Variants in BMPR1B observed in about 807,000 individuals in gnomAD.
BMPR1B encodes the protein bone morphogenetic protein receptor type-1B.
Under a neutral mutation model 59.1 loss-of-function variants are expected in BMPR1B, and 12 were observed. The ratio of observed to expected loss-of-function variants is 0.20; its 90% CI spans 0.13 to 0.33. The LOEUF is 0.33. BMPR1B is among the 10% of genes least tolerant of loss of function. The pLI, the probability that BMPR1B is intolerant of heterozygous loss-of-function variation, is 1.00. For missense variants in BMPR1B, 550 were observed against 610.9 expected, an observed-to-expected ratio of 0.90 and a Z score of 1.05; for synonymous variants, 237 against 207.3, an observed-to-expected ratio of 1.14 and a Z score of -1.23.
chr4:95,114,682 A>G (rs202045659), intron 4 of BMPR1B, 38 bp from the exon 5 acceptor site: 1 of 1,533,112 alleles, frequency 6.5e-7, no homozygotes, highest in African/African-American at 1.4e-5. Flanking sequence ...ACTCACACAC[A>G]CACATTCTGT....
rs990728225 is a variant in BMPR1B at position 94,889,675 on chromosome 4, A to G, written c.-113+13775A>G. 6.6e-5 allele frequency among the ~76,000 whole-genome samples: 10 copies of G among 152,014 alleles called. No homozygotes were observed. The East Asian group carries it at 1.2e-3, about 18-fold the overall frequency. On this transcript the variant is annotated intron_variant, in intron 2 of 12. Transcript: ENST00000515059. ...ATAGCCATAATATACCACAGCCTTC[A>G]TGTTCCAAAAAGGGAAACCTGAGAA...
At chr4:94,956,435 A>G (rs1262144878) in intron 2 of BMPR1B, among the ~76,000 whole-genome samples, 5 of 152,130 alleles carry the variant, frequency 3.3e-5, no homozygotes, top group Admixed American at 2.6e-4. Context: ...AGAGGCTTTT[A>G]TGTTTTGGAA....
intron 1 of BMPR1B, among the ~76,000 whole-genome samples, chr4:94,837,442 G>A (rs1724869730): frequency 7.1e-6 from 1 of 141,626 alleles, no homozygotes; most frequent in East Asian, 1.9e-4. Context: ...GTTGAGCAGT[G>A]GTTTGTAGTT....
chr4:95,018,305 A>G (rs1723728183), intron 3 of BMPR1B, among the ~76,000 whole-genome samples: 1 of 152,212 alleles, frequency 6.6e-6, no homozygotes, highest in Admixed American at 6.5e-5. Flanking sequence ...TGGGAATTGT[A>G]TGGAAATACC....
intron 2 of BMPR1B, among the ~76,000 whole-genome samples, chr4:94,904,639 GAT>G (rs1297826800): frequency 1.3e-5 from 2 of 152,028 alleles, no homozygotes; most frequent in African/African-American, 4.8e-5. Context: ...TAAAATGAAA[GAT>G]GTGCTAATCA....
At chr4:95,007,577 A>C (rs1722934528) in intron 3 of BMPR1B, among the ~76,000 whole-genome samples, 1 of 152,202 alleles carries the variant, frequency 6.6e-6, no homozygotes, top group African/African-American at 2.4e-5. Context: ...ATATAATTTA[A>C]GGTTCTTATA....
intron 4 of BMPR1B, 126 bp downstream of exon 4, chr4:95,104,693 T>G: frequency 8.3e-7 from 1 of 1,207,656 alleles, no homozygotes; most frequent in South Asian, 1.3e-5. Context: ...TCGTAAACTC[T>G]TAGAGCTGTG....
intron 2 of BMPR1B, among the ~76,000 whole-genome samples, chr4:94,899,046 A>G (rs1578777429): frequency 6.6e-6 from 1 of 152,116 alleles, no homozygotes; most frequent in East Asian, 1.9e-4. Flanking sequence ...TGGATGTTCT[A>G]GGAGGTAACT....
chr4:94,809,721 A>G (rs1187662979), intron 1 of BMPR1B, among the ~76,000 whole-genome samples: 2 of 152,246 alleles, frequency 1.3e-5, no homozygotes, highest in East Asian at 1.9e-4. Context: ...TTCAGAAACA[A>G]TGGACAAGAA....
At chr4:94,909,494 T>C (rs1487376762) in intron 2 of BMPR1B, among the ~76,000 whole-genome samples, 1 of 152,048 alleles carries the variant, frequency 6.6e-6, no homozygotes, top group Admixed American at 6.6e-5. Flanking sequence ...GATGCCCACT[T>C]TGTGGAATTC....
chr4:95,052,926 G>A (rs201250117), intron 3 of BMPR1B, among the ~76,000 whole-genome samples: 2 of 152,120 alleles, frequency 1.3e-5, no homozygotes, highest in African/African-American at 2.4e-5. Context: ...CAGGAAGCTC[G>A]AAGCATGATA....
At chr4:95,052,839 G>A (rs1419365065) in intron 3 of BMPR1B, among the ~76,000 whole-genome samples, 1 of 152,148 alleles carries the variant, frequency 6.6e-6, no homozygotes, top group Non-Finnish European at 1.5e-5. Context: ...CATCAACCTA[G>A]TTTGCTAGTT....
At position 95,075,730 on chromosome 4, in the gene BMPR1B, G is replaced by A. The variant is rs188204195; in HGVS notation, c.-17-28678G>A. 5.1e-4 allele frequency among the ~76,000 whole-genome samples: 75 copies of A among 148,222 alleles called. No individual in the cohort carries two copies. In the East Asian group the frequency reaches 0.011, roughly 21 times the overall value. ...TTTTTTGAGAGAATTTTCATATTCT[G>A]TCTCTCATACTTTATAGAACACAGT... On this transcript the variant is annotated intron_variant, in intron 3 of 12. Transcript: ENST00000515059.
intron 2 of BMPR1B, among the ~76,000 whole-genome samples, chr4:94,907,144 T>TA (rs1469664163): frequency 1.3e-5 from 2 of 152,108 alleles, no homozygotes; most frequent in African/African-American, 2.4e-5. Flanking sequence ...CTAGATGTGT[T>TA]ACTTTAGAAT....
Position 95,131,237 on chromosome 4 carries a change from A to G in BMPR1B, c.801A>G (p.Lys267=), listed in dbSNP as rs1183075238. The G allele has an allele frequency of 1.2e-6, 2 of 1,613,938 alleles. No individual in the cohort carries two copies. Among genetic ancestry groups the G allele is most frequent in the Non-Finnish European group, 1.7e-6 (2 of 1,179,938 alleles). The change falls in exon 10 of 13, where the codon AAA becomes AAG. Residue 267 remains lysine, a synonymous_variant. Transcript: ENST00000515059. ...NILGFIAADI[K]GTGSWTQLYL... ...TAGGTTTCATTGCTGCAGATATCAAAGGGACAGGGTCCTGGACCCAGTTGT... is the reference window on the plus strand; with the variant it reads ...TAGGTTTCATTGCTGCAGATATCAAGGGGACAGGGTCCTGGACCCAGTTGT...
At chr4:94,919,521 C>G (rs1728610828) in intron 2 of BMPR1B, among the ~76,000 whole-genome samples, 1 of 151,936 alleles carries the variant, frequency 6.6e-6, no homozygotes, top group South Asian at 2.1e-4. Flanking sequence ...AGAGACACCT[C>G]ATTACTACCC....
intron 6 of BMPR1B, among the ~76,000 whole-genome samples, chr4:95,116,604 T>C (rs972378975): frequency 2.0e-4 from 31 of 151,784 alleles, no homozygotes; most frequent in Admixed American, 1.4e-3. Flanking sequence ...TTTGTTTTGC[T>C]TTCTCTCTCT....
intron 2 of BMPR1B, among the ~76,000 whole-genome samples, chr4:94,884,202 C>CT (rs1300981392): frequency 6.6e-6 from 1 of 152,128 alleles, no homozygotes; most frequent in Non-Finnish European, 1.5e-5. Flanking sequence ...AACGTCTTAA[C>CT]TAACTGCCTA....
chr4:94,991,672 G>T (rs1339804515), intron 2 of BMPR1B, among the ~76,000 whole-genome samples: 1 of 152,150 alleles, frequency 6.6e-6, no homozygotes, highest in Non-Finnish European at 1.5e-5. Context: ...GAAACTGAGG[G>T]GGTCCCTAGT....
Sources: allele counts gnomAD v4.1 joint callset (sites outside exome capture counted in the v4.1 genomes callset), GRCh38; gene constraint gnomAD v4.1.1; transcripts MANE v1.5; gene names NCBI Gene and HGNC (gene_info 2026-07-23, HGNC 2026-07-21).